SNX25: variants seen among roughly 807,000 people sequenced by gnomAD.
The protein encoded by SNX25 is sorting nexin 25, also known as sorting nexin-25.
A neutral mutation model predicts 113.7 loss-of-function variants in SNX25; 62 were observed. The ratio of observed to expected loss-of-function variants is 0.55; its 90% CI spans 0.44 to 0.67. The LOEUF (loss-of-function observed/expected upper bound fraction) is 0.67. Among genes scored for constraint, SNX25 ranks in the 30% least tolerant of loss-of-function variants. The probability of loss-of-function intolerance (pLI) is 0.00; values close to 1 mark genes in which losing one functional copy is unlikely to be tolerated. For missense variants in SNX25, 1,014 were observed against 1,161.0 expected, an observed-to-expected ratio of 0.87 and a Z score of 1.84; for synonymous variants, 421 against 436.2, an observed-to-expected ratio of 0.97 and a Z score of 0.43.
Position 185,285,345 on chromosome 4 carries a change from C to T in SNX25, c.1092-2667C>T, listed in dbSNP as rs907308704. Among the ~76,000 whole-genome samples, 44 of 152,226 alleles carry T rather than the reference C, an allele frequency of 2.9e-4. 1 individual carries two copies. The highest frequency in any genetic ancestry group is 8.4e-4 in the African/African-American group (35 of 41,528). Reference sequence around the variant, plus strand: ...GGTGTTCATTTCTGTGTGTCTGGAACGTAAGAAAAGATTAAGAAATGTTTG... The same window carrying T: ...GGTGTTCATTTCTGTGTGTCTGGAATGTAAGAAAAGATTAAGAAATGTTTG... On this transcript the variant is annotated intron_variant, in intron 5 of 18. Transcript: ENST00000652585.
At chr4:185,252,993 A>T (rs1405959123) in intron 2 of SNX25, among the ~76,000 whole-genome samples, 1 of 152,242 alleles carries the variant, frequency 6.6e-6, no homozygotes, top group Non-Finnish European at 1.5e-5. Context: ...AAGGCAGAAC[A>T]GTTACCCTTC....
In SNX25 at chr4:185,348,399, A is replaced by ATTT. The variant is rs34672453; in HGVS notation, c.2301+1758_2301+1760dup. 6.8e-4 allele frequency among the ~76,000 whole-genome samples: 102 copies of ATTT among 149,238 alleles called. No homozygotes were observed. In the East Asian group the frequency reaches 0.013, roughly 18 times the overall value. ...TTTGATACATGTATATCATTTCTTTATTTTTTTTTTTGAGACAGACTCTTG... is the reference window on the plus strand; with the variant it reads ...TTTGATACATGTATATCATTTCTTTATTTTTTTTTTTTTTGAGACAGACTCTTG... On this transcript the variant is annotated intron_variant, in intron 13 of 18. Coordinates refer to ENST00000652585, the MANE Select transcript of SNX25 (RefSeq NM_001378034.2).
At chr4:185,300,065 A>G (rs183660601) in intron 6 of SNX25, among the ~76,000 whole-genome samples, 41 of 152,344 alleles carry the variant, frequency 2.7e-4, no homozygotes, top group African/African-American at 9.1e-4. Flanking sequence ...GAATTTGTCA[A>G]TTAGAACTGT....
chr4:185,344,365 T>C (rs1388468428), intron 12 of SNX25, among the ~76,000 whole-genome samples: 1 of 152,206 alleles, frequency 6.6e-6, no homozygotes, highest in Non-Finnish European at 1.5e-5. Context: ...CTTGAATTAT[T>C]GTTCCATCTG....
chr4:185,284,244 A>C (rs1159207770), intron 5 of SNX25, among the ~76,000 whole-genome samples: 1 of 152,222 alleles, frequency 6.6e-6, no homozygotes, highest in Non-Finnish European at 1.5e-5. Context: ...AAATGTGTCA[A>C]CATTCTTTGA....
chr4:185,231,740 T>C (rs530294533), intron 1 of SNX25, among the ~76,000 whole-genome samples: 1 of 152,102 alleles, frequency 6.6e-6, no homozygotes, highest in East Asian at 1.9e-4. Context: ...GGATTTATTC[T>C]TTGAATGTCA....
chr4:185,288,727 A>T (rs1043986279), intron 6 of SNX25, among the ~76,000 whole-genome samples: 1 of 152,152 alleles, frequency 6.6e-6, no homozygotes, highest in Admixed American at 6.5e-5. Flanking sequence ...AGGTGTGAGG[A>T]TGGCTCTCAA....
intron 13 of SNX25, among the ~76,000 whole-genome samples, chr4:185,347,632 G>T (rs1561041589): frequency 6.6e-6 from 1 of 152,010 alleles, no homozygotes; most frequent in Non-Finnish European, 1.5e-5. Context: ...CACCACGCCT[G>T]GCTAATTTTT....
At chr4:185,356,061 T>C (rs1358698671) in intron 15 of SNX25, among the ~76,000 whole-genome samples, 3 of 152,146 alleles carry the variant, frequency 2.0e-5, no homozygotes, top group Non-Finnish European at 4.4e-5. Flanking sequence ...TGAGATGTGA[T>C]CTATTCGTCG....
At chr4:185,251,703 G>T (rs1745688037) in intron 2 of SNX25, among the ~76,000 whole-genome samples, 1 of 151,276 alleles carries the variant, frequency 6.6e-6, no homozygotes, top group Admixed American at 6.6e-5. Context: ...TTTGGCTATT[G>T]TAATTGATGC....
intron 3 of SNX25, among the ~76,000 whole-genome samples, chr4:185,261,528 G>C (rs1747340827): frequency 6.6e-6 from 1 of 152,164 alleles, no homozygotes; most frequent in Admixed American, 6.5e-5. Context: ...GATGGGTTTA[G>C]ATTTGGGAGA....
At chr4:185,341,501 C>G (rs2095259739) in intron 11 of SNX25, among the ~76,000 whole-genome samples, 1 of 152,228 alleles carries the variant, frequency 6.6e-6, no homozygotes, top group South Asian at 2.1e-4. Flanking sequence ...GGTCACACCT[C>G]TGTAGGTCTG....
At chr4:185,352,883 A>G (rs561670321) in intron 14 of SNX25, among the ~76,000 whole-genome samples, 32 of 152,268 alleles carry the variant, frequency 2.1e-4, no homozygotes, top group Admixed American at 3.3e-4. Flanking sequence ...CTCCTGCCCT[A>G]TCATAACACC....
the SNX25 span, chr4:185,378,188 C>A: frequency 6.2e-7 from 1 of 1,613,660 alleles, no homozygotes; most frequent in East Asian, 2.2e-5. Flanking sequence ...CAACTTCATC[C>A]TTTTTCTGCA....
intron 5 of SNX25, among the ~76,000 whole-genome samples, chr4:185,275,067 A>G (rs1749468956): frequency 1.3e-5 from 2 of 152,198 alleles, no homozygotes; most frequent in African/African-American, 4.8e-5. Context: ...GAGGACAAAT[A>G]ATAACATCAG....
At chr4:185,364,750 A>G (rs1256625998), downstream of SNX25, 1 of 152,184 alleles carries the variant, frequency 6.6e-6, no homozygotes, top group African/African-American at 2.4e-5. Context: ...CCTTCAAAAG[A>G]CTATATAGAA....
chr4:185,363,358 C>T lies in SNX25; in HGVS notation c.2935-27C>T, dbSNP rs544853799. ...AAACCCTTGGAGAAAAACATTTTTCCACTTTTTTCCTTCTTTGTTGGTTCA... is the reference window on the plus strand; with the variant it reads ...AAACCCTTGGAGAAAAACATTTTTCTACTTTTTTCCTTCTTTGTTGGTTCA... On this transcript the variant is annotated intron_variant, in intron 18 of 18. Coordinates refer to ENST00000652585, the MANE Select transcript of SNX25 (RefSeq NM_001378034.2). The surrounding 1 kb of genome is among the most constrained non-coding windows in gnomAD (Gnocchi z 4.2). 1 of 1,610,404 alleles carries T rather than the reference C, an allele frequency of 6.2e-7. No homozygotes were observed. Among genetic ancestry groups the T allele is most frequent in the Admixed American group, 1.7e-5 (1 of 59,630 alleles).
intron 1 of SNX25, among the ~76,000 whole-genome samples, chr4:185,238,062 C>CAAAAAA (rs10635995): frequency 1.1e-5 from 1 of 87,944 alleles, no homozygotes; most frequent in African/African-American, 4.3e-5. Context: ...GACTCCATCT[C>CAAAAAA]AAAAAAAAAA....
At position 185,209,687 on chromosome 4, in the gene SNX25, G is replaced by A; in HGVS notation, c.-140G>A. On this transcript the variant is annotated 5_prime_UTR_variant, in exon 1 of 19. Transcript: ENST00000652585. The surrounding 1 kb of genome is among the most constrained non-coding windows in gnomAD (Gnocchi z 5.2). ...GGCGGCGCTGAGGGGTCGCCGAGAG[G>A]GGCCCGGCGGCGTCTGCGGGGGCCG... 2.1e-6 allele frequency: 2 copies of A among 959,472 alleles called. No individual in the cohort carries two copies. Among genetic ancestry groups the A allele is most frequent in the Non-Finnish European group, 2.5e-6 (2 of 806,636 alleles). 59.4% of individuals were successfully genotyped at this position (959,472 alleles called of 1,614,324 possible).
Sources: allele counts gnomAD v4.1 joint callset (sites outside exome capture counted in the v4.1 genomes callset), GRCh38; gene constraint gnomAD v4.1.1; non-coding constraint Gnocchi (gnomAD v3.1); transcripts MANE v1.5; gene names NCBI Gene and HGNC (gene_info 2026-07-23, HGNC 2026-07-21).